Variants in DGKI observed in about 807,000 individuals in gnomAD.
The protein encoded by DGKI is diacylglycerol kinase iota.
A neutral mutation model predicts 147.5 loss-of-function variants in DGKI; 55 were observed. The ratio of observed to expected loss-of-function variants is 0.37; its 90% CI spans 0.30 to 0.47. The LOEUF (loss-of-function observed/expected upper bound fraction) is 0.47, where lower values mean the gene tolerates loss of function less well. Ranked by LOEUF, DGKI falls within the 20% of genes least tolerant of loss-of-function variation. DGKI has a pLI of 1.00. For synonymous variants in DGKI, 469 were observed against 477.1 expected, an observed-to-expected ratio of 0.98 and a Z score of 0.22; for missense variants, 1,007 against 1,323.8, an observed-to-expected ratio of 0.76 and a Z score of 3.71.
chr7:137,767,735 T>C (rs906939138), intron 1 of DGKI, among the ~76,000 whole-genome samples: 10 of 152,236 alleles, frequency 6.6e-5, no homozygotes, highest in Non-Finnish European at 4.4e-5. Flanking sequence ...CTCCACCAGC[T>C]ACTACCTACA....
At chr7:137,549,599 TAAAG>T (rs1194258118) in intron 20 of DGKI, among the ~76,000 whole-genome samples, 2 of 152,144 alleles carry the variant, frequency 1.3e-5, no homozygotes, top group Non-Finnish European at 2.9e-5. Context: ...AGGCAGGAAA[TAAAG>T]AAAATGTCTT....
intron 7 of DGKI, among the ~76,000 whole-genome samples, chr7:137,621,174 T>C (rs558073160): frequency 6.6e-6 from 1 of 152,328 alleles, no homozygotes; most frequent in Non-Finnish European, 1.5e-5. Context: ...GTAAAATAAT[T>C]AATAATTCTG....
intron 1 of DGKI, among the ~76,000 whole-genome samples, chr7:137,796,121 G>A (rs889971709): frequency 3.3e-5 from 5 of 152,128 alleles, no homozygotes; most frequent in African/African-American, 7.2e-5. Context: ...AGGAAAGCAT[G>A]GTCCATACAC....
At chr7:137,470,863 G>T (rs1814854222) in intron 23 of DGKI, among the ~76,000 whole-genome samples, 1 of 152,072 alleles carries the variant, frequency 6.6e-6, no homozygotes, top group Non-Finnish European at 1.5e-5. Context: ...GCCTTCCAAA[G>T]CTGCCCTTCC....
At chr7:137,755,060 T>C (rs919814002) in intron 1 of DGKI, among the ~76,000 whole-genome samples, 34 of 152,160 alleles carry the variant, frequency 2.2e-4, no homozygotes, top group African/African-American at 8.0e-4. Context: ...CTTCTAAGTT[T>C]TTATATACAT....
chr7:137,762,814 T>C (rs1207036670), intron 1 of DGKI, among the ~76,000 whole-genome samples: 1 of 152,200 alleles, frequency 6.6e-6, no homozygotes, highest in African/African-American at 2.4e-5. Context: ...CCTCCTGCTC[T>C]CCTTGCTATG....
chr7:137,717,066 G>C (rs3800632), intron 1 of DGKI, among the ~76,000 whole-genome samples: 12,315 of 152,136 alleles, frequency 0.081, 1,617 homozygotes, highest in African/African-American at 0.28. Flanking sequence ...CTTCTGATTG[G>C]ATTACAGAAG....
intron 6 of DGKI, among the ~76,000 whole-genome samples, chr7:137,643,777 G>C (rs904850676): frequency 3.9e-5 from 6 of 152,136 alleles, no homozygotes; most frequent in African/African-American, 1.4e-4. Flanking sequence ...AGTGCAATAT[G>C]GCACTAGGGA....
chr7:137,750,522 G>T (rs556747109), intron 1 of DGKI, among the ~76,000 whole-genome samples: 1 of 152,200 alleles, frequency 6.6e-6, no homozygotes, highest in African/African-American at 2.4e-5. Flanking sequence ...GAAACTTAAG[G>T]TTCCCTCCCT....
chr7:137,672,730 C>T (rs1465281841), intron 3 of DGKI, among the ~76,000 whole-genome samples: 1 of 149,138 alleles, frequency 6.7e-6, no homozygotes, highest in Non-Finnish European at 1.5e-5. Flanking sequence ...CCCATCACCA[C>T]ATGGCCTTCT....
At chr7:137,472,461 A>G (rs1399983441) in intron 23 of DGKI, among the ~76,000 whole-genome samples, 2 of 139,510 alleles carry the variant, frequency 1.4e-5, no homozygotes, top group East Asian at 4.2e-4. Context: ...CGTATATATT[A>G]TATGTTATAT....
chr7:137,623,615 C>A (rs549960105), intron 6 of DGKI, 61 bp from the exon 7 acceptor site: 1 of 1,469,024 alleles, frequency 6.8e-7, no homozygotes, highest in African/African-American at 1.4e-5. Flanking sequence ...CGCACATTTG[C>A]CCTCCTGAAG....
intron 28 of DGKI, among the ~76,000 whole-genome samples, chr7:137,414,067 CAG>C (rs1238842702): frequency 5.9e-5 from 9 of 152,168 alleles, no homozygotes; most frequent in African/African-American, 2.2e-4. Flanking sequence ...GTCTCTCATA[CAG>C]AGTTAGCCAA....
chr7:137,493,891 T>C, intron 21 of DGKI: 1 of 638,342 alleles, frequency 1.6e-6, no homozygotes, highest in Non-Finnish European at 2.8e-6. Flanking sequence ...TCATCGAGAT[T>C]CAGGAGAAAG....
At chr7:137,531,864 C>T (rs1028533100) in intron 20 of DGKI, among the ~76,000 whole-genome samples, 4 of 152,120 alleles carry the variant, frequency 2.6e-5, no homozygotes, top group African/African-American at 9.7e-5. Flanking sequence ...AACACTGAAA[C>T]TAGGCTTCTA....
At chr7:137,655,470 T>C (rs1370293134) in intron 4 of DGKI, among the ~76,000 whole-genome samples, 2 of 152,182 alleles carry the variant, frequency 1.3e-5, no homozygotes, top group African/African-American at 4.8e-5. Context: ...AGTGCTGGGA[T>C]TACAGGCATG....
intron 21 of DGKI, 151 bp from the exon 22 acceptor site, chr7:137,487,840 C>A (rs1030576319): frequency 2.9e-6 from 2 of 682,974 alleles, no homozygotes; most frequent in Non-Finnish European, 4.9e-6. Context: ...TTTCTCCCTA[C>A]ACCTTTTTTA....
chr7:137,579,737 T>C (rs914652847), intron 15 of DGKI, among the ~76,000 whole-genome samples: 2 of 152,150 alleles, frequency 1.3e-5, no homozygotes, highest in East Asian at 3.8e-4. Context: ...GCAGGGGAAA[T>C]GTTTACAATT....
intron 1 of DGKI, among the ~76,000 whole-genome samples, chr7:137,807,222 A>C (rs980432491): frequency 6.6e-6 from 1 of 152,216 alleles, no homozygotes; most frequent in Non-Finnish European, 1.5e-5. Context: ...CTGGTTTTCA[A>C]ATACAAGGAC....
Sources: gnomAD v4.1 joint callset for allele counts (sites outside exome capture counted in the v4.1 genomes callset) on GRCh38, gnomAD v4.1.1 for gene constraint, MANE v1.5 for transcripts, NCBI Gene and HGNC (gene_info 2026-07-23, HGNC 2026-07-21) for gene names.